Variants in FYTTD1 observed in about 807,000 individuals in gnomAD.
FYTTD1 encodes the protein forty-two-three domain containing 1.
FYTTD1 carries 22 observed loss-of-function variants against 40.9 expected under a neutral mutation model. That is an observed-to-expected ratio of 0.54 (90% CI 0.38 to 0.77). The LOEUF is 0.77. FYTTD1 is among the 30% of genes least tolerant of loss of function. FYTTD1 has a pLI of 0.00. For synonymous variants in FYTTD1, 140 were observed against 137.9 expected, an observed-to-expected ratio of 1.01 and a Z score of -0.10; for missense variants, 351 against 392.2, an observed-to-expected ratio of 0.90 and a Z score of 0.89.
chr3:197,751,137 T>G (rs181206204), intron 1 of FYTTD1, among the ~76,000 whole-genome samples: 75 of 151,616 alleles, frequency 4.9e-4, no homozygotes, highest in African/African-American at 1.7e-3. Context: ...CTTGGAAACC[T>G]TCTTTCGGTT....
At chr3:197,775,475 C>A (rs1339663196) in intron 6 of FYTTD1, among the ~76,000 whole-genome samples, 1 of 151,598 alleles carries the variant, frequency 6.6e-6, no homozygotes, top group Non-Finnish European at 1.5e-5. Flanking sequence ...TCCATATCCG[C>A]GGATTGTCTC....
At chr3:197,770,741 G>C (rs1255053068) in intron 4 of FYTTD1, among the ~76,000 whole-genome samples, 1 of 151,684 alleles carries the variant, frequency 6.6e-6, no homozygotes, top group African/African-American at 2.4e-5. Context: ...ATAGAGACAG[G>C]GTCTCACCAT....
intron 3 of FYTTD1, among the ~76,000 whole-genome samples, chr3:197,769,603 GTTT>G (rs921440186): frequency 3.3e-5 from 5 of 152,110 alleles, no homozygotes; most frequent in Non-Finnish European, 7.4e-5. Context: ...ATGTGCTTTT[GTTT>G]TTTATGATAC....
At chr3:197,757,907 T>A (rs1729256298) in intron 2 of FYTTD1, among the ~76,000 whole-genome samples, 1 of 152,026 alleles carries the variant, frequency 6.6e-6, no homozygotes, top group African/African-American at 2.4e-5. Flanking sequence ...TGATTTATAT[T>A]TAAATTTTTT....
chr3:197,770,281 TA>T (rs1236187645), intron 4 of FYTTD1, 37 bp downstream of exon 4: 34 of 1,247,048 alleles, frequency 2.7e-5, no homozygotes, highest in Non-Finnish European at 3.9e-5. Flanking sequence ...TATTTTGCAT[TA>T]AAAACACTTC....
chr3:197,750,743 A>C, intron 1 of FYTTD1: 1 of 985,524 alleles, frequency 1.0e-6, no homozygotes, highest in Non-Finnish European at 1.2e-6. Flanking sequence ...CTCCCTCTCC[A>C]GGCCTCAGAG....
intron 1 of FYTTD1, among the ~76,000 whole-genome samples, chr3:197,753,047 C>T (rs1195791105): frequency 6.6e-6 from 1 of 152,134 alleles, no homozygotes; most frequent in Admixed American, 6.6e-5. Flanking sequence ...CTGTGGAGAG[C>T]TGAAACAGCT....
At chr3:197,752,448 C>T (rs1729087312) in intron 1 of FYTTD1, among the ~76,000 whole-genome samples, 1 of 152,146 alleles carries the variant, frequency 6.6e-6, no homozygotes, top group African/African-American at 2.4e-5. Context: ...TGTATTTTTC[C>T]ACATACACTA....
In FYTTD1 at chr3:197,781,928, T is replaced by A; in HGVS notation, c.*19T>A. 1 of 1,474,334 alleles carries A rather than the reference T, an allele frequency of 6.8e-7. No homozygotes were observed. Among genetic ancestry groups the A allele is most frequent in the South Asian group, 1.3e-5 (1 of 75,660 alleles). 91.3% of individuals were successfully genotyped at this position (1,474,334 alleles called of 1,614,324 possible). On this transcript the variant is annotated 3_prime_UTR_variant, in exon 9 of 9. Transcript: ENST00000241502. ...GGGATAGGTCCCATGTCAAAGGAACTTTTGAGTGATGACTCTGAGAAGTTG... is the reference window on the plus strand; with the variant it reads ...GGGATAGGTCCCATGTCAAAGGAACATTTGAGTGATGACTCTGAGAAGTTG...
chr3:197,763,595 A>C (rs1192687829), intron 2 of FYTTD1: 2 of 416,314 alleles, frequency 4.8e-6, no homozygotes, highest in African/African-American at 2.1e-5. Flanking sequence ...TGGGCAACAT[A>C]GGGAGACCCC....
At chr3:197,767,610 A>G (rs928877450) in intron 2 of FYTTD1, among the ~76,000 whole-genome samples, 5 of 151,322 alleles carry the variant, frequency 3.3e-5, no homozygotes, top group African/African-American at 1.2e-4. Flanking sequence ...GACTACAGGC[A>G]TGTGCTACTA....
chr3:197,763,580 C>G (rs776201556), intron 2 of FYTTD1: 2 of 435,102 alleles, frequency 4.6e-6, no homozygotes, highest in African/African-American at 4.1e-5. Flanking sequence ...ACTTCAGGAC[C>G]AGCGTGGGCA....
At chr3:197,750,299 C>A (rs1344135810) in intron 1 of FYTTD1, 1 of 1,077,588 alleles carries the variant, frequency 9.3e-7, no homozygotes, top group East Asian at 3.6e-5. Context: ...CCGCGGCAGT[C>A]GGAGGAGGGG....
At chr3:197,777,891 TG>T (rs1213305591) in intron 7 of FYTTD1, among the ~76,000 whole-genome samples, 1 of 152,022 alleles carries the variant, frequency 6.6e-6, no homozygotes, top group Non-Finnish European at 1.5e-5. Context: ...ATTTTTTTTT[TG>T]TACAGATGGG....
At chr3:197,774,666 G>A (rs987170966) in intron 6 of FYTTD1, among the ~76,000 whole-genome samples, 4 of 142,190 alleles carry the variant, frequency 2.8e-5, no homozygotes, top group Admixed American at 7.1e-5. Flanking sequence ...TAGCTCGATC[G>A]CCAGTGCATA....
In FYTTD1 at chr3:197,784,665, C is replaced by G. The variant is rs1730114086; in HGVS notation, c.*2756C>G. 1 of 152,216 alleles carries G rather than the reference C, an allele frequency of 6.6e-6. No homozygotes were observed. The highest frequency in any genetic ancestry group is 1.5e-5 in the Non-Finnish European group (1 of 68,118). The allele number at this position is 152,216 out of a possible 1,614,324, so 9.4% of individuals were successfully genotyped here. A position where few individuals can be genotyped will look rare whatever the true frequency, so the allele number is the denominator to read the frequency against. On this transcript the variant is annotated 3_prime_UTR_variant, in exon 9 of 9. Transcript: ENST00000241502. ...ACATTAGCTGGTGTGGTGACATGTG[C>G]CTGTGGTCCCAGCTACTTGGGAGGC...
At chr3:197,750,675 G>A (rs1266820461) in intron 1 of FYTTD1, 1 of 985,362 alleles carries the variant, frequency 1.0e-6, no homozygotes, top group Non-Finnish European at 1.2e-6. Flanking sequence ...AAAGGAAGCA[G>A]CGCTCGGCCG....
chr3:197,779,355 CAGGG>C (rs1173029302), intron 8 of FYTTD1, among the ~76,000 whole-genome samples: 1 of 151,490 alleles, frequency 6.6e-6, no homozygotes, highest in Admixed American at 6.6e-5. Context: ...GCAGAGTTGG[CAGGG>C]AGCTGAGATC....
At chr3:197,763,422 A>C (rs993148390) in intron 2 of FYTTD1, 3 of 371,332 alleles carry the variant, frequency 8.1e-6, no homozygotes, top group Non-Finnish European at 1.6e-5. Context: ...CTCAAAAAAA[A>C]AAAAAAAAGT....
Sources: allele counts gnomAD v4.1 joint callset (sites outside exome capture counted in the v4.1 genomes callset), GRCh38; gene constraint gnomAD v4.1.1; transcripts MANE v1.5; gene names NCBI Gene and HGNC (gene_info 2026-07-23, HGNC 2026-07-21).